The following SULF2 variants were observed in gnomAD, a reference collection of about 807,000 sequenced individuals.
SULF2 encodes sulfatase 2.
In SULF2, 52 loss-of-function variants were observed where a neutral mutation model predicts 107.7. The observed-to-expected ratio is 0.48, with a 90% CI of 0.39 to 0.61. SULF2 has a LOEUF of 0.61. Among genes scored for constraint, SULF2 ranks in the 20% least tolerant of loss-of-function variants. SULF2 has a pLI of 0.00. For synonymous variants in SULF2, 460 were observed against 464.3 expected, an observed-to-expected ratio of 0.99 and a Z score of 0.12; for missense variants, 993 against 1,177.3, an observed-to-expected ratio of 0.84 and a Z score of 2.29.
At chr20:47,710,289 T>C (rs2088884436) in intron 3 of SULF2, among the ~76,000 whole-genome samples, 1 of 149,098 alleles carries the variant, frequency 6.7e-6, no homozygotes, top group Admixed American at 6.6e-5. Flanking sequence ...CCTCCCGCCT[T>C]GGCCTCCCAA....
At chr20:47,783,153 G>A (rs1187696237) in intron 1 of SULF2, among the ~76,000 whole-genome samples, 2 of 152,346 alleles carry the variant, frequency 1.3e-5, no homozygotes, top group African/African-American at 2.4e-5. Context: ...CAATGCCTCA[G>A]ATCAGGCCCA....
rs2087793218 is a variant in SULF2, at chr20:47,680,630, CA to C, written c.1065-1827del. Among the ~76,000 whole-genome samples, 1 of 152,194 alleles carries C rather than the reference CA, an allele frequency of 6.6e-6. No individual in the cohort carries two copies. The highest frequency in any genetic ancestry group is 6.5e-5 in the Admixed American group (1 of 15,268). Reference sequence around the variant, plus strand: ...GCCCTGTGAACGTCGGGCAGGCTGCCAAGCATGTGTGCAGCTGCTGAAGATG... The same window carrying C: ...GCCCTGTGAACGTCGGGCAGGCTGCCAGCATGTGTGCAGCTGCTGAAGATG... On this transcript the variant is annotated intron_variant, in intron 7 of 20. Transcript: ENST00000688720. The surrounding 1 kb of genome is among the most constrained non-coding windows in gnomAD (Gnocchi z 4.2).
intron 2 of SULF2, among the ~76,000 whole-genome samples, chr20:47,751,122 C>T (rs1004447332): frequency 1.3e-4 from 20 of 152,194 alleles, no homozygotes; most frequent in African/African-American, 4.6e-4. Context: ...GCTGTTGGAT[C>T]TCCTTTGGCA....
chr20:47,693,803 G>C (rs1163841897), intron 4 of SULF2, among the ~76,000 whole-genome samples: 2 of 152,232 alleles, frequency 1.3e-5, no homozygotes, highest in Non-Finnish European at 2.9e-5. Flanking sequence ...GGGTGGGTCA[G>C]GGGCTCCCAC....
chr20:47,672,079 C>T (rs2087492961), intron 11 of SULF2, 119 bp downstream of exon 11: 3 of 1,095,726 alleles, frequency 2.7e-6, no homozygotes, highest in Non-Finnish European at 2.6e-6. Flanking sequence ...GTGTCCCCAG[C>T]CCCTAGATCA....
chr20:47,744,237 C>T (rs1481462600), intron 2 of SULF2, among the ~76,000 whole-genome samples: 1 of 152,110 alleles, frequency 6.6e-6, no homozygotes, highest in Non-Finnish European at 1.5e-5. Context: ...GGCTGGAGTG[C>T]AGCGGCGCGA....
chr20:47,734,855 T>C (rs572874776), intron 3 of SULF2, among the ~76,000 whole-genome samples: 37 of 152,330 alleles, frequency 2.4e-4, no homozygotes, highest in African/African-American at 8.2e-4. Context: ...ATAAAAGCAC[T>C]TATTTAGGGA....
At chr20:47,746,343 A>T (rs2090035251) in intron 2 of SULF2, among the ~76,000 whole-genome samples, 1 of 152,170 alleles carries the variant, frequency 6.6e-6, no homozygotes, top group Admixed American at 6.5e-5. Flanking sequence ...GGGGATGAAG[A>T]GGGCTATGAG....
intron 3 of SULF2, among the ~76,000 whole-genome samples, chr20:47,713,246 A>G (rs1278376250): frequency 6.6e-6 from 1 of 151,966 alleles, no homozygotes; most frequent in East Asian, 1.9e-4. Context: ...TTTCACTGCT[A>G]TGACCTGGCG....
At chr20:47,743,576 T>C (rs2089939799) in intron 2 of SULF2, among the ~76,000 whole-genome samples, 2 of 152,158 alleles carry the variant, frequency 1.3e-5, no homozygotes, top group South Asian at 2.1e-4. Flanking sequence ...TCCCAAAGTG[T>C]TGGGATAACA....
intron 2 of SULF2, among the ~76,000 whole-genome samples, chr20:47,745,424 T>TAA (rs2090006817): frequency 6.1e-4 from 3 of 4,928 alleles, no homozygotes; most frequent in African/African-American, 2.0e-3. Context: ...TATATATATA[T>TAA]ATATATATAT....
At chr20:47,765,773 C>T (rs1008181733) in intron 1 of SULF2, among the ~76,000 whole-genome samples, 2 of 152,216 alleles carry the variant, frequency 1.3e-5, no homozygotes, top group African/African-American at 4.8e-5. Flanking sequence ...AGCAAGCCAG[C>T]ATGGCTATTT....
At chr20:47,722,795 G>A (rs960183701) in intron 3 of SULF2, among the ~76,000 whole-genome samples, 6 of 152,016 alleles carry the variant, frequency 3.9e-5, no homozygotes, top group African/African-American at 9.6e-5. Context: ...GCTGGGTGCG[G>A]TGGCTCATGC....
chr20:47,660,973 C>G (rs2087046354), intron 18 of SULF2, among the ~76,000 whole-genome samples: 1 of 152,152 alleles, frequency 6.6e-6, no homozygotes, highest in African/African-American at 2.4e-5. Flanking sequence ...AAGCCACCAC[C>G]ATTTCTCCCT....
chr20:47,778,288 T>C (rs1160154317), intron 1 of SULF2, among the ~76,000 whole-genome samples: 1 of 152,256 alleles, frequency 6.6e-6, no homozygotes. Context: ...TCTTTGGTAC[T>C]ATTTGTGGTC....
intron 3 of SULF2, among the ~76,000 whole-genome samples, chr20:47,722,670 G>A (rs1393591740): frequency 1.3e-5 from 2 of 152,120 alleles, no homozygotes; most frequent in Admixed American, 6.5e-5. Context: ...AGTGGCTCAC[G>A]CCTGTAATCC....
chr20:47,709,217 G>A (rs1260032463), intron 3 of SULF2, among the ~76,000 whole-genome samples: 2 of 152,144 alleles, frequency 1.3e-5, no homozygotes, highest in Non-Finnish European at 2.9e-5. Flanking sequence ...GCTTGGATTC[G>A]CTGAGCTTTC....
Position 47,658,239 on chromosome 20 carries a change from G to C in SULF2, c.*123C>G. On this transcript the variant is annotated 3_prime_UTR_variant, in exon 21 of 21. Coordinates refer to ENST00000688720, the MANE Select transcript of SULF2 (RefSeq NM_001387048.1). Reference sequence around the variant, plus strand: ...TCTGTCATGTTGACTGAGAGTGCGTGCTTGCTTTCTCAGGCCTCCTGGCCA... The same window carrying C: ...TCTGTCATGTTGACTGAGAGTGCGTCCTTGCTTTCTCAGGCCTCCTGGCCA... 1 of 966,856 alleles carries C rather than the reference G, an allele frequency of 1.0e-6. No homozygotes were observed. Among genetic ancestry groups the C allele is most frequent in the African/African-American group, 1.6e-5 (1 of 62,586 alleles). The allele number at this position is 966,856 out of a possible 1,614,324, so 59.9% of individuals were successfully genotyped here.
At chr20:47,743,369 T>C (rs866416849) in intron 2 of SULF2, among the ~76,000 whole-genome samples, 1 of 152,094 alleles carries the variant, frequency 6.6e-6, no homozygotes, top group Non-Finnish European at 1.5e-5. Context: ...AGTGCAGTAG[T>C]GTGATCACGG....
Sources: allele counts gnomAD v4.1 joint callset (sites outside exome capture counted in the v4.1 genomes callset), GRCh38; gene constraint gnomAD v4.1.1; non-coding constraint Gnocchi (gnomAD v3.1); transcripts MANE v1.5; gene names NCBI Gene and HGNC (gene_info 2026-07-23, HGNC 2026-07-21).